CSF2: variants seen among roughly 807,000 people sequenced by gnomAD.
The protein encoded by CSF2 is colony stimulating factor 2.
CSF2 carries 2 observed loss-of-function variants against 13.5 expected under a neutral mutation model. The observed-to-expected ratio is 0.15, with a 90% CI of 0.06 to 0.47. The LOEUF (loss-of-function observed/expected upper bound fraction) is 0.47. Among genes scored for constraint, CSF2 ranks in the 20% least tolerant of loss-of-function variants. CSF2 has a pLI of 0.97. For synonymous variants in CSF2, 66 were observed against 69.2 expected, an observed-to-expected ratio of 0.95 and a Z score of 0.23; for missense variants, 141 against 179.7, an observed-to-expected ratio of 0.78 and a Z score of 1.23.
intron 2 of CSF2, 88 bp from the exon 3 acceptor site, chr5:132,074,722 G>C: frequency 3.1e-6 from 5 of 1,603,774 alleles, no homozygotes; most frequent in Non-Finnish European, 4.3e-6. Flanking sequence ...CTGGGGGCTG[G>C]GGGCAGCAGC....
intron 2 of CSF2, 99 bp downstream of exon 2, chr5:132,074,221 T>C: frequency 7.3e-7 from 1 of 1,372,298 alleles, no homozygotes; most frequent in South Asian, 1.2e-5. Context: ...TTGTCCACTT[T>C]CTCTCCAGTC....
chr5:132,075,449 C>G (rs971076400), intron 3 of CSF2, among the ~76,000 whole-genome samples: 1 of 152,276 alleles, frequency 6.6e-6, no homozygotes, highest in African/African-American at 2.4e-5. Context: ...CTCAGCCCAG[C>G]TGCCCTGCTC....
chr5:132,074,646 G>A (rs545331655), intron 2 of CSF2, among the ~76,000 whole-genome samples, 164 bp from the exon 3 acceptor site: 230 of 152,276 alleles, frequency 1.5e-3, no homozygotes, highest in African/African-American at 5.3e-3. Flanking sequence ...GGGCAGGTTC[G>A]TGCCTGCCAT....
At position 132,073,894 on chromosome 5, in the gene CSF2, G is replaced by C. The variant is rs776058350; in HGVS notation, c.71G>C (p.Ser24Thr). Reference protein sequence around the residue: ...CSISAPARSPSPSTQPWEHVN... With the variant: ...CSISAPARSPTPSTQPWEHVN... The stretch of plus-strand genomic sequence containing the variant: ...ATCTCTGCACCCGCCCGCTCGCCCA[G>C]CCCCAGCACGCAGCCCTGGGAGCAT... Residue 24 changes from serine to threonine, a missense_variant, in exon 1 of 4, where the codon AGC (serine) becomes ACC (threonine). Transcript: ENST00000296871. 6.2e-7 allele frequency: 1 copy of C among 1,613,088 alleles called. No individual in the cohort carries two copies. The highest frequency in any genetic ancestry group is 2.2e-5 in the East Asian group (1 of 44,878).
In CSF2 at chr5:132,074,095, A is replaced by G; in HGVS notation, c.174A>G (p.Glu58=). The change falls in exon 2 of 4, where the codon GAA becomes GAG. Residue 58 remains glutamate, a synonymous_variant. Transcript: ENST00000296871. ...CTTTTCTACAGAATGAAACAGTAGAAGTCATCTCAGAAATGTTTGACCTCC... is the reference window on the plus strand; with the variant it reads ...CTTTTCTACAGAATGAAACAGTAGAGGTCATCTCAGAAATGTTTGACCTCC... ...DTAAEMNETV[E]VISEMFDLQE... is the part of the protein sequence containing the mutation. 1 of 1,614,020 alleles carries G rather than the reference A, an allele frequency of 6.2e-7. No individual in the cohort carries two copies. Among genetic ancestry groups the G allele is most frequent in the Non-Finnish European group, 8.5e-7 (1 of 1,180,036 alleles).
chr5:132,074,051 T>C, intron 1 of CSF2, 30 bp from the exon 2 acceptor site: 1 of 1,613,840 alleles, frequency 6.2e-7, no homozygotes, highest in Non-Finnish European at 8.5e-7. Context: ...GCCTGTCAGC[T>C]TGATAACATG....
chr5:132,075,595 G>A (rs1278301504), intron 3 of CSF2, 150 bp from the exon 4 acceptor site: 9 of 643,966 alleles, frequency 1.4e-5, no homozygotes, highest in East Asian at 2.8e-5. Context: ...TGGCAGCAGC[G>A]TCACCTGACC....
At chr5:132,074,536 C>A (rs977392221) in intron 2 of CSF2, among the ~76,000 whole-genome samples, 1 of 152,144 alleles carries the variant, frequency 6.6e-6, no homozygotes, top group African/African-American at 2.4e-5. Context: ...TGAGGCCCCA[C>A]CCCCCTCTCC....
chr5:132,074,209 G>T, intron 2 of CSF2, 87 bp downstream of exon 2: 1 of 1,461,452 alleles, frequency 6.8e-7, no homozygotes, highest in South Asian at 1.1e-5. Context: ...CACCACACAG[G>T]GTTGTCCACT....
At chr5:132,074,720 TG>T in intron 2 of CSF2, 89 bp from the exon 3 acceptor site, 1 of 1,603,764 alleles carries the variant, frequency 6.2e-7, no homozygotes, top group Admixed American at 1.7e-5. Context: ...TCCTGGGGGC[TG>T]GGGGCAGCAG....
At chr5:132,074,330 C>A (rs1756672985) in intron 2 of CSF2, among the ~76,000 whole-genome samples, 1 of 152,190 alleles carries the variant, frequency 6.6e-6, no homozygotes, top group Admixed American at 6.5e-5. Context: ...GCTGAGCGGC[C>A]ATGGGCAGAC....
At position 132,074,073 on chromosome 5, in the gene CSF2, T is replaced by G; in HGVS notation, c.160-8T>G. On this transcript the variant is annotated splice_polypyrimidine_tract_variant and splice_region_variant and intron_variant, in intron 1 of 3. Transcript: ENST00000296871. ...AGCTTGATAACATGACATTTTCCTTTTCTACAGAATGAAACAGTAGAAGTC... is the reference window on the plus strand; with the variant it reads ...AGCTTGATAACATGACATTTTCCTTGTCTACAGAATGAAACAGTAGAAGTC... The G allele has an allele frequency of 6.2e-7, 1 of 1,613,962 alleles. No individual in the cohort carries two copies. The highest frequency in any genetic ancestry group is 8.5e-7 in the Non-Finnish European group (1 of 1,180,044).
Position 132,074,860 on chromosome 5 carries a change from G to T in CSF2, c.252G>T (p.Arg84=), listed in dbSNP as rs1325676110. 6.2e-7 allele frequency: 1 copy of T among 1,613,582 alleles called. No homozygotes were observed. The highest frequency in any genetic ancestry group is 8.5e-7 in the Non-Finnish European group (1 of 1,180,026). The change falls in exon 3 of 4, where the codon CGG becomes CGT. Residue 84 remains arginine, a synonymous_variant. Transcript: ENST00000296871. ...TRLELYKQGL[R]GSLTKLKGPL... ...TGGAGCTGTACAAGCAGGGCCTGCG[G>T]GGCAGCCTCACCAAGCTCAAGGGCC...
At chr5:132,075,126 G>A (rs1023331325) in intron 3 of CSF2, among the ~76,000 whole-genome samples, 191 bp downstream of exon 3, 2 of 152,220 alleles carry the variant, frequency 1.3e-5, no homozygotes, top group Admixed American at 1.3e-4. Context: ...GCCACAGAGC[G>A]CTGAAGCCCA....
rs1756665177 is a variant in CSF2, at chr5:132,073,815, C to T, written c.-9C>T. 2 of 1,612,074 alleles carry T rather than the reference C, an allele frequency of 1.2e-6. No individual in the cohort carries two copies. Among genetic ancestry groups the T allele is most frequent in the East Asian group, 4.5e-5 (2 of 44,888 alleles). ...GTACACAGAGAGAAAGGCTAAAGTTCTCTGGAGGATGTGGCTGCAGAGCCT... is the reference window on the plus strand; with the variant it reads ...GTACACAGAGAGAAAGGCTAAAGTTTTCTGGAGGATGTGGCTGCAGAGCCT... On this transcript the variant is annotated 5_prime_UTR_variant, in exon 1 of 4. Transcript: ENST00000296871.
rs1169339127 is a variant in CSF2 at position 132,075,855 on chromosome 5, C to T, written c.*3C>T. Reference sequence around the variant, plus strand: ...GCTGGGAGCCAGTCCAGGAGTGAGACCGGCCAGATGAGGCTGGCCAAGCCG... The same window carrying T: ...GCTGGGAGCCAGTCCAGGAGTGAGATCGGCCAGATGAGGCTGGCCAAGCCG... On this transcript the variant is annotated 3_prime_UTR_variant, in exon 4 of 4. Transcript: ENST00000296871. 3.1e-6 allele frequency: 5 copies of T among 1,602,722 alleles called. No homozygotes were observed. The highest frequency in any genetic ancestry group is 3.3e-4 in the Middle Eastern group (2 of 6,034).
At chr5:132,074,004 T>C in intron 1 of CSF2, 22 bp downstream of exon 1, 1 of 1,613,732 alleles carries the variant, frequency 6.2e-7, no homozygotes, top group Non-Finnish European at 8.5e-7. Flanking sequence ...AATGTGGGCC[T>C]GTGCCTAGGC....
At chr5:132,075,045 T>C in intron 3 of CSF2, 110 bp downstream of exon 3, 1 of 1,523,050 alleles carries the variant, frequency 6.6e-7, no homozygotes, top group Non-Finnish European at 9.1e-7. Flanking sequence ...GGGGTTTCTG[T>C]GCCAACAGTT....
intron 2 of CSF2, 60 bp downstream of exon 2, chr5:132,074,182 G>A: frequency 6.3e-7 from 1 of 1,584,950 alleles, no homozygotes; most frequent in Non-Finnish European, 8.7e-7. Flanking sequence ...TGGAGGTGGG[G>A]ACTCCATTTT....
Sources: gnomAD v4.1 joint callset for allele counts (sites outside exome capture counted in the v4.1 genomes callset) on GRCh38, gnomAD v4.1.1 for gene constraint, MANE v1.5 for transcripts, NCBI Gene and HGNC (gene_info 2026-07-23, HGNC 2026-07-21) for gene names.